The following CD33 variants were observed in gnomAD, a reference collection of about 807,000 sequenced individuals.
The protein encoded by CD33 is CD33 molecule.
A neutral mutation model predicts 31.4 loss-of-function variants in CD33; 25 were observed. The observed-to-expected ratio is 0.80, with a 90% confidence interval of 0.58 to 1.11. The LOEUF is 1.11. Ranked by LOEUF, CD33 falls within the 50% of genes most tolerant of loss-of-function variation. The pLI is 0.00. For missense variants in CD33, 407 were observed against 448.1 expected (o/e 0.91, Z 0.83); for synonymous variants, 176 against 180.6 (o/e 0.97, Z 0.20).
chr19:51,239,747 C>A lies in CD33; in HGVS notation c.*59C>A. On this transcript the variant is annotated 3_prime_UTR_variant, in exon 7 of 7. Coordinates refer to ENST00000262262, the MANE Select transcript of CD33 (RefSeq NM_001772.4). ...ATCCACATCCTCTACAGGTCGGGGA[C>A]CAAAGGCTGATTCTTGGAGATTTAA... 1 of 1,431,462 alleles carries A rather than the reference C, an allele frequency of 7.0e-7. No individual in the cohort carries two copies. The highest frequency in any genetic ancestry group is 9.5e-7 in the Non-Finnish European group (1 of 1,054,146). The allele number at this position is 1,431,462 out of a possible 1,614,324, so 88.7% of individuals were successfully genotyped here. A position where few individuals can be genotyped will look rare whatever the true frequency, so the allele number is the denominator to read the frequency against.
chr19:51,213,377 A>C, the CD33 span, among the ~76,000 whole-genome samples: 1 of 152,228 alleles, frequency 6.6e-6, no homozygotes. Flanking sequence ...CACTCAAAAA[A>C]AACCTCTAAC....
chr19:51,235,947 A>G (rs1223061812), intron 6 of CD33: 3 of 695,376 alleles, frequency 4.3e-6, no homozygotes, highest in Non-Finnish European at 7.9e-6. Context: ...TCACGAGGTC[A>G]GGAGATTGAG....
the CD33 span, among the ~76,000 whole-genome samples, chr19:51,218,626 C>G: frequency 6.6e-6 from 1 of 152,034 alleles, no homozygotes; most frequent in African/African-American, 2.4e-5. Context: ...AAAGATTTTC[C>G]TAGGTTTTCT....
chr19:51,226,516 G>C (rs1409173406), intron 4 of CD33, among the ~76,000 whole-genome samples, 160 bp downstream of exon 4: 3 of 152,142 alleles, frequency 2.0e-5, no homozygotes, highest in Non-Finnish European at 2.9e-5. Context: ...GGGATGACTA[G>C]CAACTTCCCC....
chr19:51,223,663 G>A (rs1980796129), upstream of CD33, among the ~76,000 whole-genome samples: 1 of 152,148 alleles, frequency 6.6e-6, no homozygotes, highest in Admixed American at 6.5e-5. Context: ...TGAACCAAAT[G>A]GCAGCATGAA....
chr19:51,211,256 T>C, the CD33 span: 1 of 1,572,126 alleles, frequency 6.4e-7, no homozygotes, highest in African/African-American at 1.4e-5. Flanking sequence ...CAGGAGTCAG[T>C]GACGGTACAG....
chr19:51,239,482 TG>T lies in CD33; in HGVS notation c.925-35del, dbSNP rs748992400. The T allele has an allele frequency of 4.7e-6, 7 of 1,490,770 alleles. No individual in the cohort carries two copies. The East Asian group carries it at 1.5e-4, about 31-fold the overall frequency. The allele number at this position is 1,490,770 out of a possible 1,614,324, so 92.3% of individuals were successfully genotyped here. On this transcript the variant is annotated intron_variant, in intron 6 of 6. Transcript: ENST00000262262. Reference sequence around the variant, plus strand: ...GCCTTCTCCTGGTCCCCCTCCTCACTGCCCTGCTCTAACCCCCTTCTTTCCT... The same window carrying T: ...GCCTTCTCCTGGTCCCCCTCCTCACTCCCTGCTCTAACCCCCTTCTTTCCT...
chr19:51,228,615 A>G (rs1981193818), intron 4 of CD33, among the ~76,000 whole-genome samples: 1 of 152,170 alleles, frequency 6.6e-6, no homozygotes, highest in Non-Finnish European at 1.5e-5. Context: ...CATCCTGCAA[A>G]TTTACTAAAT....
At chr19:51,211,960 T>G in the CD33 span, 1 of 1,257,744 alleles carries the variant, frequency 8.0e-7, no homozygotes, top group South Asian at 1.2e-5. Flanking sequence ...CACTCCTCAG[T>G]GCTCACGATC....
At chr19:51,223,969 G>A (rs1273865515), upstream of CD33, among the ~76,000 whole-genome samples, 1 of 152,098 alleles carries the variant, frequency 6.6e-6, no homozygotes, top group African/African-American at 2.4e-5. Context: ...TCAGGTCAGT[G>A]GCATCTCTTC....
upstream of CD33, among the ~76,000 whole-genome samples, chr19:51,221,360 A>G (rs1980681281): frequency 6.6e-6 from 1 of 152,252 alleles, no homozygotes; most frequent in South Asian, 2.1e-4. Context: ...GGCTCATGAA[A>G]ACATACTAAA....
chr19:51,234,118 T>C (rs1351966441), intron 4 of CD33, among the ~76,000 whole-genome samples: 2 of 152,064 alleles, frequency 1.3e-5, no homozygotes, highest in African/African-American at 2.4e-5. Context: ...TCGCTGATCA[T>C]CTTGGGAGCA....
intron 5 of CD33, 160 bp from the exon 6 acceptor site, chr19:51,235,435 A>G: frequency 1.5e-6 from 2 of 1,365,518 alleles, no homozygotes; most frequent in Non-Finnish European, 2.0e-6. Context: ...TCAGATGTCC[A>G]AGGAGTGGGA....
At chr19:51,214,453 C>A in the CD33 span, among the ~76,000 whole-genome samples, 1 of 152,080 alleles carries the variant, frequency 6.6e-6, no homozygotes, top group African/African-American at 2.4e-5. Context: ...ACCTTGGCCT[C>A]CCAAAGTGCT....
intron 6 of CD33, chr19:51,235,974 T>A (rs369921773): frequency 1.2e-5 from 8 of 660,768 alleles, no homozygotes; most frequent in Admixed American, 2.2e-5. Context: ...CTGGCTAACA[T>A]GGTGAAACCC....
At chr19:51,239,414 TA>T in intron 6 of CD33, 103 bp from the exon 7 acceptor site, 1 of 777,676 alleles carries the variant, frequency 1.3e-6, no homozygotes. Context: ...AAAGAGTGAA[TA>T]AATGTTCTGT....
intron 4 of CD33, among the ~76,000 whole-genome samples, chr19:51,234,141 C>T (rs757634012): frequency 6.6e-6 from 1 of 151,642 alleles, no homozygotes; most frequent in Admixed American, 6.6e-5. Context: ...TATAAATGAA[C>T]CTTATTTTTC....
chr19:51,235,321 T>C (rs1981704625), intron 5 of CD33, 68 bp downstream of exon 5: 1 of 1,460,110 alleles, frequency 6.8e-7, no homozygotes, highest in South Asian at 1.1e-5. Context: ...AGAAGGGTCC[T>C]GGAGGGGCTG....
At chr19:51,226,256 C>T (rs1981021688) in intron 3 of CD33, 53 bp from the exon 4 acceptor site, 12 of 1,569,438 alleles carry the variant, frequency 7.6e-6, no homozygotes, top group Non-Finnish European at 9.6e-6. Context: ...GAAATGCCTA[C>T]CCTTATCTCA....
Sources: gnomAD v4.1 joint callset for allele counts (sites outside exome capture counted in the v4.1 genomes callset) on GRCh38, gnomAD v4.1.1 for gene constraint, MANE v1.5 for transcripts, NCBI Gene and HGNC (gene_info 2026-07-23, HGNC 2026-07-21) for gene names.